Variants in VPS53 observed in about 807,000 individuals in gnomAD.
VPS53 encodes the protein vacuolar protein sorting-associated protein 53 homolog.
A neutral mutation model predicts 107.0 loss-of-function variants in VPS53; 70 were observed. That is an observed-to-expected ratio of 0.65 (90% CI 0.54 to 0.80). VPS53 has a LOEUF of 0.80. Ranked by LOEUF, VPS53 falls within the 30% of genes least tolerant of loss-of-function variation. The pLI, the probability that VPS53 is intolerant of heterozygous loss-of-function variation, is 0.00. For missense variants in VPS53, 917 were observed against 1,049.4 expected, an observed-to-expected ratio of 0.87 and a Z score of 1.74; for synonymous variants, 409 against 393.3, an observed-to-expected ratio of 1.04 and a Z score of -0.47.
At chr17:645,137 A>G (rs1156378149) in intron 7 of VPS53, among the ~76,000 whole-genome samples, 1 of 152,238 alleles carries the variant, frequency 6.6e-6, no homozygotes, top group African/African-American at 2.4e-5. Context: ...AATGTTGAAA[A>G]GCAAAGAGCC....
intron 2 of VPS53, among the ~76,000 whole-genome samples, chr17:706,585 T>C (rs190096168): frequency 1.5e-4 from 23 of 152,158 alleles, no homozygotes. Flanking sequence ...ACATCATAAT[T>C]TACCTATAAT....
intron 17 of VPS53, among the ~76,000 whole-genome samples, chr17:544,181 A>C (rs913553275): frequency 5.9e-5 from 9 of 152,098 alleles, no homozygotes; most frequent in African/African-American, 2.2e-4. Flanking sequence ...GTGTCAGATC[A>C]AGAAAAGCTG....
rs752811888 is a variant in VPS53 at position 628,197 on chromosome 17, G to A, written c.722C>T (p.Ala241Val). ...ATCTAGAATATTAGCAACCAGACAT[G>A]CATCTCGTAGAACATTGCTGGGTCC... ...PGGPSNVLRD[A>V]CLVANILDPR... Residue 241 changes from alanine (A) to valine (V), a missense_variant, in exon 9 of 22, where the codon GCA becomes GTA. By Grantham distance (64) the Ala-to-Val change is moderately conservative. Transcript: ENST00000437048. The A allele has an allele frequency of 3.1e-5, 50 of 1,613,836 alleles. No homozygotes were observed. The highest frequency in any genetic ancestry group is 4.0e-5 in the Non-Finnish European group (47 of 1,179,966).
intron 4 of VPS53, among the ~76,000 whole-genome samples, chr17:666,579 G>A (rs531779086): frequency 2.6e-5 from 4 of 152,134 alleles, no homozygotes; most frequent in South Asian, 4.2e-4. Context: ...CAGGATAATC[G>A]CGTGAACCCA....
intron 11 of VPS53, among the ~76,000 whole-genome samples, chr17:622,277 G>A (rs1230440920): frequency 6.6e-6 from 1 of 151,888 alleles, no homozygotes; most frequent in Non-Finnish European, 1.5e-5. Context: ...ATTTAACAGG[G>A]AAGGCAGTTC....
intron 2 of VPS53, among the ~76,000 whole-genome samples, chr17:702,569 G>A (rs1484950162): frequency 6.6e-6 from 1 of 152,128 alleles, no homozygotes; most frequent in East Asian, 1.9e-4. Context: ...GGGAGGCTGA[G>A]GCAGGAGAAC....
chr17:704,242 C>T (rs1260284683), intron 2 of VPS53, among the ~76,000 whole-genome samples: 1 of 152,144 alleles, frequency 6.6e-6, no homozygotes, highest in African/African-American at 2.4e-5. Flanking sequence ...AGGCACTCTG[C>T]TGCATGGAAA....
intron 12 of VPS53, among the ~76,000 whole-genome samples, chr17:600,520 G>A (rs1157595752): frequency 6.6e-6 from 1 of 152,242 alleles, no homozygotes; most frequent in African/African-American, 2.4e-5. Flanking sequence ...TACTATGACG[G>A]CTTTAAATCA....
rs1597238233 is a variant in VPS53, at chr17:520,149, A to G, written c.2224-219T>C. On this transcript the variant is annotated intron_variant, in intron 20 of 21. Transcript: ENST00000437048. The surrounding 1 kb of genome is among the most constrained non-coding windows in gnomAD (Gnocchi z 4.4). ...CAGACTAGAAACGCCCCAGTGGCCC[A>G]TCTCATCTTCACATGCCACTACAGC... 6.6e-6 allele frequency among the ~76,000 whole-genome samples: 1 copy of G among 152,192 alleles called. No individual in the cohort carries two copies. Among genetic ancestry groups the G allele is most frequent in the Admixed American group, 6.5e-5 (1 of 15,280 alleles).
In VPS53 at chr17:517,436, GA is replaced by G. The variant is rs1908387967; in HGVS notation, c.*1691del. The G allele has an allele frequency of 2.5e-6, 1 of 398,838 alleles. No homozygotes were observed. Among genetic ancestry groups the G allele is most frequent in the Admixed American group, 4.4e-5 (1 of 22,726 alleles). 24.7% of individuals were successfully genotyped at this position (398,838 alleles called of 1,614,324 possible). ...TGTTGGGAAACAAGGTGGGGATGAG[GA>G]AATCAGGTTTCCAGGCAGATTTCCA... On this transcript the variant is annotated 3_prime_UTR_variant, in exon 22 of 22. Transcript: ENST00000437048.
At chr17:534,948 C>A (rs1441424958) in intron 18 of VPS53, among the ~76,000 whole-genome samples, 2 of 151,460 alleles carry the variant, frequency 1.3e-5, no homozygotes, top group African/African-American at 4.8e-5. Flanking sequence ...TTGGCTGTGC[C>A]CCTGAACTGG....
intron 4 of VPS53, among the ~76,000 whole-genome samples, chr17:665,329 G>A (rs372465018): frequency 2.4e-4 from 37 of 152,340 alleles, no homozygotes; most frequent in East Asian, 1.4e-3. Flanking sequence ...AGCCCTCGCC[G>A]CGGGAAGATG....
At chr17:572,130 G>C (rs990515985) in intron 13 of VPS53, among the ~76,000 whole-genome samples, 5 of 151,670 alleles carry the variant, frequency 3.3e-5, no homozygotes, top group African/African-American at 1.2e-4. Context: ...TCCCATCTAG[G>C]AAGTGAGGAG....
chr17:526,420 A>C (rs1333084790), intron 19 of VPS53, among the ~76,000 whole-genome samples: 1 of 152,226 alleles, frequency 6.6e-6, no homozygotes, highest in Non-Finnish European at 1.5e-5. Context: ...GCCAGTCACC[A>C]TAAAATTCTG....
chr17:534,091 C>T (rs949597451), intron 18 of VPS53, among the ~76,000 whole-genome samples: 6 of 152,178 alleles, frequency 3.9e-5, no homozygotes, highest in Admixed American at 2.0e-4. Context: ...CCTCTTGCCT[C>T]GGCCCCACAA....
chr17:631,750 C>A, intron 7 of VPS53, 122 bp from the exon 8 acceptor site: 2 of 790,910 alleles, frequency 2.5e-6, no homozygotes, highest in African/African-American at 1.7e-5. Flanking sequence ...CAGAGACGTC[C>A]ATGAGGTGAG....
intron 5 of VPS53, among the ~76,000 whole-genome samples, chr17:656,304 T>C (rs1421120035): frequency 6.6e-6 from 1 of 152,198 alleles, no homozygotes; most frequent in African/African-American, 2.4e-5. Flanking sequence ...AAAGTGTGCC[T>C]TCTGGTGATG....
chr17:561,263 C>T (rs1172212333), intron 14 of VPS53, among the ~76,000 whole-genome samples: 1 of 152,204 alleles, frequency 6.6e-6, no homozygotes, highest in African/African-American at 2.4e-5. Flanking sequence ...TTGGGGCAGC[C>T]CCAGCTACTG....
At chr17:642,999 AGCGAGGACAACAC>A in intron 7 of VPS53, among the ~76,000 whole-genome samples, 1 of 124,242 alleles carries the variant, frequency 8.0e-6, no homozygotes, top group Non-Finnish European at 1.9e-5. Flanking sequence ...ATACTTGGAA[AGCGAGGACAACAC>A]TCATACTTGG....
Sources: allele counts gnomAD v4.1 joint callset (sites outside exome capture counted in the v4.1 genomes callset), GRCh38; gene constraint gnomAD v4.1.1; non-coding constraint Gnocchi (gnomAD v3.1); transcripts MANE v1.5; gene names NCBI Gene and HGNC (gene_info 2026-07-23, HGNC 2026-07-21).